Variants in GABARAPL2 observed in about 807,000 individuals in gnomAD.
The protein encoded by GABARAPL2 is GABA type A receptor associated protein like 2, also known as gamma-aminobutyric acid receptor-associated protein-like 2.
GABARAPL2 carries 11 observed loss-of-function variants against 16.9 expected under a neutral mutation model. That is an observed-to-expected ratio of 0.65 (90% CI 0.41 to 1.08). GABARAPL2 has a LOEUF of 1.08. Among genes scored for constraint, GABARAPL2 ranks in the 50% least tolerant of loss-of-function variants. The pLI, the probability that GABARAPL2 is intolerant of heterozygous loss-of-function variation, is 0.00. For synonymous variants in GABARAPL2, 57 were observed against 50.7 expected (o/e 1.12, Z -0.53); for missense variants, 134 against 142.5 (o/e 0.94, Z 0.30).
At chr16:75,566,928 C>G in intron 2 of GABARAPL2, 21 bp downstream of exon 2, 3 of 1,600,916 alleles carry the variant, frequency 1.9e-6, no homozygotes, top group East Asian at 2.2e-5. Flanking sequence ...TCTCCGCCCC[C>G]TCACCTCGCT....
In GABARAPL2 at chr16:75,577,867, T is replaced by C. The variant is rs1441935799; in HGVS notation, c.*498T>C. 6.5e-6 allele frequency: 1 copy of C among 154,946 alleles called. No individual in the cohort carries two copies. The highest frequency in any genetic ancestry group is 1.4e-5 in the Non-Finnish European group (1 of 69,626). 9.6% of individuals were successfully genotyped at this position (154,946 alleles called of 1,614,324 possible). A position where few individuals can be genotyped will look rare whatever the true frequency, so the allele number is the denominator to read the frequency against. ...AAGGTAAATAATTAACAATAAAAAT[T>C]CTCTTATAAAGGCATTGTACTGTGG... On this transcript the variant is annotated 3_prime_UTR_variant, in exon 4 of 4. Coordinates refer to ENST00000037243, the MANE Select transcript of GABARAPL2 (RefSeq NM_007285.7).
In GABARAPL2 at chr16:75,566,451, T is replaced by A; in HGVS notation, c.-36T>A. ...TGCTCGGTGCGCTGAGCTCCGCGGC[T>A]CCGCGAGCCGGTTCCGTCCCCTTCC... On this transcript the variant is annotated 5_prime_UTR_variant, in exon 1 of 4. Transcript: ENST00000037243. 3 of 1,540,796 alleles carry A rather than the reference T, an allele frequency of 1.9e-6. No individual in the cohort carries two copies. Among genetic ancestry groups the A allele is most frequent in the Non-Finnish European group, 2.7e-6 (3 of 1,124,140 alleles).
chr16:75,566,393 C>T lies in GABARAPL2; in HGVS notation c.-94C>T. ...GCCTGCCGTGTAGTCGCCGCCGTCGCTGCCGCTGCCGCTGCCGCCGTCGTT... is the reference window on the plus strand; with the variant it reads ...GCCTGCCGTGTAGTCGCCGCCGTCGTTGCCGCTGCCGCTGCCGCCGTCGTT... On this transcript the variant is annotated 5_prime_UTR_variant, in exon 1 of 4. Coordinates refer to ENST00000037243, the MANE Select transcript of GABARAPL2 (RefSeq NM_007285.7). 2 of 946,878 alleles carry T rather than the reference C, an allele frequency of 2.1e-6. No homozygotes were observed. The highest frequency in any genetic ancestry group is 3.3e-6 in the Non-Finnish European group (2 of 607,154). 58.7% of individuals were successfully genotyped at this position (946,878 alleles called of 1,614,324 possible).
intron 3 of GABARAPL2, among the ~76,000 whole-genome samples, chr16:75,571,595 C>T (rs1187198508): frequency 6.6e-6 from 1 of 152,088 alleles, no homozygotes; most frequent in Non-Finnish European, 1.5e-5. Flanking sequence ...TCACCCCACA[C>T]TTAATCATCC....
chr16:75,574,627 C>G (rs1214393222), intron 3 of GABARAPL2, among the ~76,000 whole-genome samples: 5 of 152,120 alleles, frequency 3.3e-5, no homozygotes, highest in African/African-American at 9.7e-5. Context: ...CTGCTAGTTT[C>G]TGGCTTGTCA....
intron 1 of GABARAPL2, 23 bp from the exon 2 acceptor site, chr16:75,566,829 A>C: frequency 6.2e-7 from 1 of 1,608,748 alleles, no homozygotes; most frequent in Non-Finnish European, 8.5e-7. Flanking sequence ...CGCGGCCGTC[A>C]GCCCCGTTTG....
rs903170703 is a variant in GABARAPL2, at chr16:75,566,785, A to AGGGCCGG, written c.35-58_35-52dup. ...GTTGTACGCAGGGCGCAGGAGGAGG[A>AGGGCCGG]GGGCCGGGGGCCGGGAACCGACCGG... On this transcript the variant is annotated intron_variant, in intron 1 of 3. Coordinates refer to ENST00000037243, the MANE Select transcript of GABARAPL2 (RefSeq NM_007285.7). 6.3e-6 allele frequency: 9 copies of AGGGCCGG among 1,426,018 alleles called. No homozygotes were observed. The South Asian group carries it at 6.9e-5, about 11-fold the overall frequency. The allele number at this position is 1,426,018 out of a possible 1,614,324, so 88.3% of individuals were successfully genotyped here.
chr16:75,576,615 CTG>C (rs2080951257), intron 3 of GABARAPL2: 1 of 152,344 alleles, frequency 6.6e-6, no homozygotes, highest in Admixed American at 6.5e-5. Flanking sequence ...TAGTCTTACT[CTG>C]GAGCTGGTCC....
chr16:75,568,694 G>A (rs1011282392), intron 3 of GABARAPL2, among the ~76,000 whole-genome samples: 3 of 152,174 alleles, frequency 2.0e-5, no homozygotes, highest in East Asian at 1.9e-4. Context: ...AAATGACTGC[G>A]GCACAGTAAA....
At position 75,577,325 on chromosome 16, in the gene GABARAPL2, T is replaced by G; in HGVS notation, c.310T>G (p.Phe104Val). 1 of 1,613,078 alleles carries G rather than the reference T, an allele frequency of 6.2e-7. No individual in the cohort carries two copies. The highest frequency in any genetic ancestry group is 8.5e-7 in the Non-Finnish European group (1 of 1,179,010). Residue 104 changes from phenylalanine to valine, a missense_variant, in exon 4 of 4, where the codon TTC becomes GTC. By Grantham distance (50) the Phe-to-Val change is conservative. Coordinates refer to ENST00000037243, the MANE Select transcript of GABARAPL2 (RefSeq NM_007285.7). The stretch of plus-strand genomic sequence containing the variant: ...CGAGAAGGAAAAAGATGAAGATGGA[T>G]TCTTATATGTGGCCTACAGCGGAGA... ...LYEKEKDEDG[F>V]LYVAYSGENT...
chr16:75,567,136 T>C (rs1276106979), intron 2 of GABARAPL2, among the ~76,000 whole-genome samples: 5 of 152,230 alleles, frequency 3.3e-5, no homozygotes, highest in Admixed American at 2.0e-4. Flanking sequence ...GCGAGCCGTC[T>C]GCAGCCTCGG....
rs141745406 is a variant in GABARAPL2 at position 75,568,068 on chromosome 16, T to C, written c.122T>C (p.Ile41Thr). Residue 41 changes from isoleucine to threonine, a missense_variant, in exon 3 of 4, where the codon ATT becomes ACT. By Grantham distance (89) the Ile-to-Thr change is moderately conservative (BLOSUM62 -1). Coordinates refer to ENST00000037243, the MANE Select transcript of GABARAPL2 (RefSeq NM_007285.7). ...GTGGAAAAGGTCTCAGGCTCTCAGA[T>C]TGTTGACATTGACAAACGGAAGTAC... The part of the protein sequence containing the change: ...VIVEKVSGSQ[I>T]VDIDKRKYLV... 2.4e-5 allele frequency: 38 copies of C among 1,609,552 alleles called. No individual in the cohort carries two copies. Among genetic ancestry groups the C allele is most frequent in the Non-Finnish European group, 2.8e-5 (33 of 1,176,388 alleles).
At chr16:75,575,886 T>C (rs546336580) in intron 3 of GABARAPL2, 2 of 152,204 alleles carry the variant, frequency 1.3e-5, no homozygotes, top group Non-Finnish European at 2.9e-5. Context: ...CAACATGTAA[T>C]CAAAATTGAG....
intron 3 of GABARAPL2, among the ~76,000 whole-genome samples, chr16:75,575,363 T>C (rs937808995): frequency 6.6e-6 from 1 of 152,158 alleles, no homozygotes. Flanking sequence ...TGGCACGATC[T>C]TGGCTCACTG....
intron 3 of GABARAPL2, chr16:75,572,227 G>A (rs2080919510): frequency 6.6e-6 from 1 of 152,152 alleles, no homozygotes; most frequent in African/African-American, 2.4e-5. Context: ...GAGCCTCAGG[G>A]CCTTATTAAC....
chr16:75,568,261 G>A (rs1263853214), intron 3 of GABARAPL2, 52 bp downstream of exon 3: 1 of 1,356,220 alleles, frequency 7.4e-7, no homozygotes, highest in Admixed American at 1.9e-5. Context: ...CTGGTTGGCT[G>A]CTTACGGAAC....
chr16:75,569,897 G>C (rs1443179766), intron 3 of GABARAPL2, among the ~76,000 whole-genome samples: 1 of 152,136 alleles, frequency 6.6e-6, no homozygotes, highest in Non-Finnish European at 1.5e-5. Flanking sequence ...AGTGTGGTGA[G>C]AATCAACCCT....
At chr16:75,567,130 G>T (rs1041965677) in intron 2 of GABARAPL2, among the ~76,000 whole-genome samples, 1 of 152,238 alleles carries the variant, frequency 6.6e-6, no homozygotes, top group African/African-American at 2.4e-5. Flanking sequence ...AGGCCAGCGA[G>T]CCGTCTGCAG....
At chr16:75,566,551 G>C in intron 1 of GABARAPL2, 31 bp downstream of exon 1, 1 of 1,605,054 alleles carries the variant, frequency 6.2e-7, no homozygotes, top group Non-Finnish European at 8.5e-7. Flanking sequence ...CCGGCTGCTG[G>C]GGGCTGGGGC....
Sources: allele counts gnomAD v4.1 joint callset (sites outside exome capture counted in the v4.1 genomes callset), GRCh38; gene constraint gnomAD v4.1.1; transcripts MANE v1.5; gene names NCBI Gene and HGNC (gene_info 2026-07-23, HGNC 2026-07-21).